The following FLRT1 variants were observed in gnomAD, a reference collection of about 807,000 sequenced individuals.
FLRT1 encodes fibronectin leucine rich transmembrane protein 1.
A neutral mutation model predicts 30.9 loss-of-function variants in FLRT1; 14 were observed. The observed-to-expected ratio is 0.45, with a 90% CI of 0.30 to 0.71. FLRT1 has a LOEUF of 0.71. Among genes scored for constraint, FLRT1 ranks in the 30% least tolerant of loss-of-function variants. The pLI is 0.08. For synonymous variants in FLRT1, 368 were observed against 430.4 expected, an observed-to-expected ratio of 0.85 and a Z score of 1.80; for missense variants, 737 against 949.2, an observed-to-expected ratio of 0.78 and a Z score of 2.94.
intron 1 of FLRT1, among the ~76,000 whole-genome samples, chr11:64,083,658 A>G (rs955071497): frequency 6.6e-6 from 1 of 152,256 alleles, no homozygotes; most frequent in Non-Finnish European, 1.5e-5. Flanking sequence ...TGAGATGCCA[A>G]CGCCGGGTCA....
rs1379751656 is a variant in FLRT1 at position 64,064,310 on chromosome 11, AG to A, written c.-1038+28157del. ...GTGCAGCCCTGTTCAGGCGGCGGGT[AG>A]GGGGGTGATGTCTCATCAGAAGAGG... On this transcript the variant is annotated intron_variant, in intron 1 of 2. Transcript: ENST00000682287. The surrounding 1 kb of genome is among the most constrained non-coding windows in gnomAD (Gnocchi z 4.5). Among the ~76,000 whole-genome samples the A allele has an allele frequency of 2.6e-5, 4 of 152,154 alleles. No homozygotes were observed.
At chr11:64,089,961 T>C (rs145530660) in intron 1 of FLRT1, among the ~76,000 whole-genome samples, 7 of 152,220 alleles carry the variant, frequency 4.6e-5, no homozygotes, top group Non-Finnish European at 1.0e-4. Flanking sequence ...AGTGAGAGGA[T>C]TGGATAAGAT....
At chr11:64,056,504 G>A (rs889291577) in intron 1 of FLRT1, among the ~76,000 whole-genome samples, 5 of 152,228 alleles carry the variant, frequency 3.3e-5, no homozygotes, top group African/African-American at 9.7e-5. Flanking sequence ...ACAGACGGAC[G>A]GAGAGACGGA....
At chr11:64,068,550 A>G (rs565919026) in intron 1 of FLRT1, among the ~76,000 whole-genome samples, 1 of 152,288 alleles carries the variant, frequency 6.6e-6, no homozygotes, top group Admixed American at 6.5e-5. Flanking sequence ...ACTGCCGATT[A>G]CTCTTACAGA....
chr11:64,052,678 T>C (rs1189522781), intron 1 of FLRT1, among the ~76,000 whole-genome samples: 1 of 152,186 alleles, frequency 6.6e-6, no homozygotes, highest in Non-Finnish European at 1.5e-5. Flanking sequence ...TGATAGTGTT[T>C]TGCAAATGAG....
At chr11:64,102,150 CAG>C (rs1222977200) in intron 1 of FLRT1, among the ~76,000 whole-genome samples, 1 of 152,202 alleles carries the variant, frequency 6.6e-6, no homozygotes, top group African/African-American at 2.4e-5. Flanking sequence ...GATTTCAAAC[CAG>C]AGTGAGCACT....
chr11:64,093,618 G>A lies in FLRT1; in HGVS notation c.-1037-9576G>A, dbSNP rs555359036. ...GTTCTTGGGCCTCCCAGAACAGGTCGGTCTTCCTTCTCTGCTGAAGACAGG... is the reference window on the plus strand; with the variant it reads ...GTTCTTGGGCCTCCCAGAACAGGTCAGTCTTCCTTCTCTGCTGAAGACAGG... On this transcript the variant is annotated intron_variant, in intron 1 of 2. Transcript: ENST00000682287. 1.6e-4 allele frequency among the ~76,000 whole-genome samples: 25 copies of A among 152,312 alleles called. No individual in the cohort carries two copies. The South Asian group carries it at 3.7e-3, about 23-fold the overall frequency.
chr11:64,063,421 G>A (rs933788013), intron 1 of FLRT1, among the ~76,000 whole-genome samples: 1 of 152,154 alleles, frequency 6.6e-6, no homozygotes, highest in African/African-American at 2.4e-5. Flanking sequence ...GAGCGATGGA[G>A]GGAGAGGAGG....
At position 64,039,860 on chromosome 11, in the gene FLRT1, G is replaced by A. The variant is rs922387137; in HGVS notation, c.-1038+3701G>A. Reference sequence around the variant, plus strand: ...GGGTTTTAAAATGACAACCTGCAGAGCTGGTGGCTAGTGAGGGTGGGGGAG... The same window carrying A: ...GGGTTTTAAAATGACAACCTGCAGAACTGGTGGCTAGTGAGGGTGGGGGAG... On this transcript the variant is annotated intron_variant, in intron 1 of 2. Transcript: ENST00000682287. 3.3e-5 allele frequency among the ~76,000 whole-genome samples: 5 copies of A among 152,322 alleles called. No homozygotes were observed. The East Asian group carries it at 9.7e-4, about 29-fold the overall frequency.
intron 1 of FLRT1, among the ~76,000 whole-genome samples, chr11:64,088,153 A>G (rs1419302341): frequency 1.3e-5 from 2 of 152,168 alleles, no homozygotes; most frequent in Non-Finnish European, 2.9e-5. Context: ...CTGCAAAAAT[A>G]AAGTTGAACC....
chr11:64,106,723 G>A (rs1212301835), intron 2 of FLRT1, among the ~76,000 whole-genome samples: 2 of 152,172 alleles, frequency 1.3e-5, no homozygotes, highest in African/African-American at 4.8e-5. Context: ...AGGCGGCTGA[G>A]GAGAGAAGCA....
At chr11:64,070,322 G>A (rs993516098) in intron 1 of FLRT1, among the ~76,000 whole-genome samples, 1 of 152,102 alleles carries the variant, frequency 6.6e-6, no homozygotes, top group Admixed American at 6.5e-5. Flanking sequence ...TGTTCCCTGG[G>A]GGCCTCGGAG....
At chr11:64,095,866 G>C (rs1057390901) in intron 1 of FLRT1, among the ~76,000 whole-genome samples, 3 of 152,226 alleles carry the variant, frequency 2.0e-5, no homozygotes, top group African/African-American at 7.2e-5. Flanking sequence ...GCTGAGGGGA[G>C]GGTCTGGGGA....
Position 64,118,367 on chromosome 11 carries a change from G to T in FLRT1, c.*75G>T. 1 of 1,460,752 alleles carries T rather than the reference G, an allele frequency of 6.8e-7. No individual in the cohort carries two copies. Among genetic ancestry groups the T allele is most frequent in the Non-Finnish European group, 9.1e-7 (1 of 1,100,738 alleles). 90.5% of individuals were successfully genotyped at this position (1,460,752 alleles called of 1,614,324 possible). On this transcript the variant is annotated 3_prime_UTR_variant, in exon 3 of 3. Transcript: ENST00000682287. ...GCCATGTGGCTTTGCCCAGCCTGCT[G>T]CAATCCAAGAGAGCAAGGAAGAGAA...
chr11:64,081,474 G>A (rs1223548909), intron 1 of FLRT1, among the ~76,000 whole-genome samples: 1 of 152,178 alleles, frequency 6.6e-6, no homozygotes, highest in East Asian at 1.9e-4. Context: ...GTGCCAGCAA[G>A]GGCTCAGGAC....
chr11:64,098,981 G>A (rs1003313283), intron 1 of FLRT1, among the ~76,000 whole-genome samples: 4 of 152,224 alleles, frequency 2.6e-5, no homozygotes, highest in African/African-American at 7.2e-5. Flanking sequence ...AGAGAGCTCC[G>A]ATCTTTAAGG....
intron 1 of FLRT1, among the ~76,000 whole-genome samples, chr11:64,065,785 G>A (rs1349340828): frequency 2.0e-5 from 2 of 99,132 alleles, no homozygotes; most frequent in African/African-American, 5.8e-5. Flanking sequence ...GCACGACTCC[G>A]CCTCAAAAAA....
chr11:64,112,446 G>A (rs916517986), intron 2 of FLRT1, among the ~76,000 whole-genome samples: 9 of 152,174 alleles, frequency 5.9e-5, no homozygotes, highest in East Asian at 1.9e-4. Context: ...CCTGGGAGGC[G>A]GAGGTTGTAG....
At chr11:64,098,139 C>T (rs1004536014) in intron 1 of FLRT1, among the ~76,000 whole-genome samples, 2 of 152,160 alleles carry the variant, frequency 1.3e-5, no homozygotes, top group Non-Finnish European at 2.9e-5. Context: ...CATGCAGCAG[C>T]GAGAACACTC....
Sources: gnomAD v4.1 joint callset for allele counts (sites outside exome capture counted in the v4.1 genomes callset) on GRCh38, gnomAD v4.1.1 for gene constraint, Gnocchi (gnomAD v3.1) non-coding constraint, MANE v1.5 for transcripts, NCBI Gene and HGNC (gene_info 2026-07-23, HGNC 2026-07-21) for gene names.